Variants in ESYT2 observed in about 807,000 individuals in gnomAD.
ESYT2 encodes the protein extended synaptotagmin 2.
In ESYT2, 54 loss-of-function variants were observed where a neutral mutation model predicts 107.2. That is an observed-to-expected ratio of 0.50 (90% CI 0.40 to 0.63). The LOEUF (loss-of-function observed/expected upper bound fraction) is 0.63. Ranked by LOEUF, ESYT2 falls within the 30% of genes least tolerant of loss-of-function variation. The pLI, the probability that ESYT2 is intolerant of heterozygous loss-of-function variation, is 0.00. For missense variants in ESYT2, 1,020 were observed against 1,094.5 expected (o/e 0.93, Z 0.96); for synonymous variants, 491 against 434.1 (o/e 1.13, Z -1.63).
intron 1 of ESYT2, among the ~76,000 whole-genome samples, chr7:158,803,848 G>T (rs549320853): frequency 8.9e-6 from 1 of 112,616 alleles, no homozygotes; most frequent in South Asian, 3.1e-4. Context: ...AAACCGTCGA[G>T]AAGGGTGAGG....
chr7:158,748,345 T>A (rs1837473978), intron 15 of ESYT2, 65 bp from the exon 16 acceptor site: 1 of 1,222,156 alleles, frequency 8.2e-7, no homozygotes, highest in Non-Finnish European at 1.2e-6. Context: ...TCATTTTATG[T>A]GTTTAGAAGC....
At chr7:158,749,552 T>G in intron 15 of ESYT2, 97 bp downstream of exon 15, 1 of 1,116,104 alleles carries the variant, frequency 9.0e-7, no homozygotes, top group Non-Finnish European at 1.3e-6. Context: ...ATCACACAAC[T>G]GAATGTATTT....
intron 1 of ESYT2, among the ~76,000 whole-genome samples, chr7:158,825,807 A>G (rs1034072919): frequency 6.6e-6 from 1 of 152,230 alleles, no homozygotes; most frequent in Non-Finnish European, 1.5e-5. Flanking sequence ...TTTGGGATGT[A>G]CAGATACATC....
chr7:158,816,240 C>T (rs910478048), intron 1 of ESYT2, among the ~76,000 whole-genome samples: 25 of 152,262 alleles, frequency 1.6e-4, no homozygotes, highest in Middle Eastern at 3.4e-3. Flanking sequence ...GTCCCAGATA[C>T]TCGAGAGGCT....
chr7:158,798,510 G>C (rs1172174019), intron 2 of ESYT2, among the ~76,000 whole-genome samples: 4 of 151,824 alleles, frequency 2.6e-5, no homozygotes, highest in Admixed American at 6.6e-5. Flanking sequence ...GCCAGGCGTG[G>C]TGGTGCGTGC....
intron 21 of ESYT2, among the ~76,000 whole-genome samples, chr7:158,735,043 A>G (rs896862): frequency 0.75 from 114,021 of 152,170 alleles, 43,568 homozygotes; most frequent in Non-Finnish European, 0.82. Context: ...TGACTCACAG[A>G]AGGGTTGGCC....
Position 158,732,492 on chromosome 7 carries a change from A to G in ESYT2, c.*1715T>C, listed in dbSNP as rs1836783885. The G allele has an allele frequency of 6.6e-6, 1 of 152,250 alleles. No homozygotes were observed. The highest frequency in any genetic ancestry group is 1.5e-5 in the Non-Finnish European group (1 of 68,040). 9.4% of individuals were successfully genotyped at this position (152,250 alleles called of 1,614,324 possible). The stretch of plus-strand genomic sequence containing the variant: ...AGCAGGAGGGAATATACTGGTCTTT[A>G]TGATTACATGAAATATGCTGTGAAG... On this transcript the variant is annotated 3_prime_UTR_variant, in exon 23 of 23. Transcript: ENST00000275418.
intron 4 of ESYT2, among the ~76,000 whole-genome samples, chr7:158,789,958 C>G (rs986179268): frequency 6.6e-6 from 1 of 152,200 alleles, no homozygotes; most frequent in South Asian, 2.1e-4. Context: ...CAAACTCGCT[C>G]GGTGCTGGGG....
At chr7:158,797,581 C>T (rs1240872178) in intron 3 of ESYT2, among the ~76,000 whole-genome samples, 2 of 151,942 alleles carry the variant, frequency 1.3e-5, no homozygotes, top group South Asian at 2.1e-4. Flanking sequence ...TTCGGCCAGG[C>T]GCGGTGGCTC....
chr7:158,824,622 A>G (rs1840385103), intron 1 of ESYT2, among the ~76,000 whole-genome samples: 1 of 152,238 alleles, frequency 6.6e-6, no homozygotes. Context: ...GGAAGCTAAT[A>G]TGCTTTAATT....
intron 6 of ESYT2, among the ~76,000 whole-genome samples, chr7:158,783,802 G>A (rs952373567): frequency 6.6e-6 from 1 of 152,228 alleles, no homozygotes; most frequent in South Asian, 2.1e-4. Flanking sequence ...ACGACCCCAG[G>A]GAGGACACTT....
At chr7:158,764,303 C>T (rs1285950650) in intron 9 of ESYT2, among the ~76,000 whole-genome samples, 4 of 151,740 alleles carry the variant, frequency 2.6e-5, no homozygotes. Flanking sequence ...TGAAGATGTC[C>T]TAATTTAAAA....
intron 13 of ESYT2, among the ~76,000 whole-genome samples, chr7:158,756,535 T>C (rs1421987870): frequency 2.6e-5 from 4 of 152,118 alleles, no homozygotes; most frequent in East Asian, 1.9e-4. Context: ...CACGTGACCA[T>C]CCCCCAAATG....
intron 16 of ESYT2, among the ~76,000 whole-genome samples, chr7:158,744,857 C>T (rs9638140): frequency 0.24 from 36,021 of 152,056 alleles, 5,143 homozygotes; most frequent in East Asian, 0.59. Context: ...TATTTCTTTT[C>T]AAACTAAACT....
intron 1 of ESYT2, among the ~76,000 whole-genome samples, chr7:158,821,837 C>T (rs1383672935): frequency 2.0e-5 from 3 of 152,180 alleles, no homozygotes; most frequent in South Asian, 2.1e-4. Flanking sequence ...CACGGCCGCT[C>T]GCGCTGTTGC....
rs765750649 is a variant in ESYT2 at position 158,761,496 on chromosome 7, T to G, written c.1233A>C (p.Glu411Asp). ...AGACCCACACTCCAGGGAAACTTACTTCATCTAAAAGGCGCTCCTTTTCAA... is the reference window on the plus strand; with the variant it reads ...AGACCCACACTCCAGGGAAACTTACGTCATCTAAAAGGCGCTCCTTTTCAA... The part of the protein sequence containing the change: ...IEVEKERLLD[E>D]WFTLDEVPKG... Residue 411 changes from glutamate (E) to aspartate (D), a missense_variant and splice_region_variant, in exon 11 of 23, where the codon GAA becomes GAC. Glu to Asp is a conservative substitution (Grantham distance 45). Coordinates refer to ENST00000275418, the MANE Select transcript of ESYT2 (RefSeq NM_001367773.1). 14 of 1,613,950 alleles carry G rather than the reference T, an allele frequency of 8.7e-6. No homozygotes were observed. Among genetic ancestry groups the G allele is most frequent in the Non-Finnish European group, 1.0e-5 (12 of 1,179,974 alleles).
intron 5 of ESYT2, 81 bp downstream of exon 5, chr7:158,788,264 A>T: frequency 7.1e-7 from 1 of 1,403,648 alleles, no homozygotes; most frequent in Non-Finnish European, 9.7e-7. Flanking sequence ...AAGCTAAAAA[A>T]ACTTCCTAAT....
chr7:158,741,377 G>A, intron 18 of ESYT2, 146 bp downstream of exon 18: 1 of 1,203,306 alleles, frequency 8.3e-7, no homozygotes, highest in Non-Finnish European at 1.1e-6. Flanking sequence ...AACACAACCT[G>A]AAGTGCTTTC....
chr7:158,775,598 T>A (rs1185940135), intron 6 of ESYT2, among the ~76,000 whole-genome samples: 1 of 152,236 alleles, frequency 6.6e-6, no homozygotes, highest in Middle Eastern at 3.2e-3. Context: ...GTCCTTAAAC[T>A]TTGATCCTGA....
Sources: gnomAD v4.1 joint callset for allele counts (sites outside exome capture counted in the v4.1 genomes callset) on GRCh38, gnomAD v4.1.1 for gene constraint, MANE v1.5 for transcripts, NCBI Gene and HGNC (gene_info 2026-07-23, HGNC 2026-07-21) for gene names.